STK31: variants seen among roughly 807,000 people sequenced by gnomAD.
The protein encoded by STK31 is serine/threonine-protein kinase 31.
Under a neutral mutation model 129.7 loss-of-function variants are expected in STK31, and 89 were observed. The ratio of observed to expected loss-of-function variants is 0.69; its 90% CI spans 0.58 to 0.82. The LOEUF is 0.82. Among genes scored for constraint, STK31 ranks in the 40% least tolerant of loss-of-function variants. The pLI is 0.00. For synonymous variants in STK31, 448 were observed against 395.3 expected, an observed-to-expected ratio of 1.13 and a Z score of -1.58; for missense variants, 1,187 against 1,176.4, an observed-to-expected ratio of 1.01 and a Z score of -0.13.
At chr7:23,761,840 AGTTTT>A (rs1789484901) in intron 10 of STK31, among the ~76,000 whole-genome samples, 1 of 148,566 alleles carries the variant, frequency 6.7e-6, no homozygotes, top group African/African-American at 2.5e-5. Flanking sequence ...ATAGTTTTAT[AGTTTT>A]ATAATGTATT....
intron 23 of STK31, among the ~76,000 whole-genome samples, chr7:23,818,942 C>T (rs1793627617): frequency 6.6e-6 from 1 of 152,154 alleles, no homozygotes; most frequent in Non-Finnish European, 1.5e-5. Flanking sequence ...TTTTTAAAAT[C>T]AGCTTTCATG....
At position 23,754,566 on chromosome 7, in the gene STK31, A is replaced by T. The variant is rs1788936655; in HGVS notation, c.1293+92A>T. ...TCTTCTAAAAAAAATAACAGGATAC[A>T]TGTGCAGAATGTGCAGATTTGTTAC... On this transcript the variant is annotated intron_variant, in intron 10 of 23. Coordinates refer to ENST00000355870, the MANE Select transcript of STK31 (RefSeq NM_031414.5). 10 of 1,304,944 alleles carry T rather than the reference A, an allele frequency of 7.7e-6. No homozygotes were observed. The South Asian group carries it at 1.5e-4, about 19-fold the overall frequency. 80.8% of individuals were successfully genotyped at this position (1,304,944 alleles called of 1,614,324 possible). A position where few individuals can be genotyped will look rare whatever the true frequency, so the allele number is the denominator to read the frequency against.
chr7:23,792,633 G>A (rs1337225462), intron 22 of STK31, among the ~76,000 whole-genome samples: 21 of 152,128 alleles, frequency 1.4e-4, no homozygotes, highest in Admixed American at 8.5e-4. Flanking sequence ...ATATAAAAAT[G>A]GAGAGGATCT....
chr7:23,813,261 A>G (rs1295572251), intron 22 of STK31, among the ~76,000 whole-genome samples: 2 of 151,870 alleles, frequency 1.3e-5, no homozygotes, highest in Admixed American at 1.3e-4. Flanking sequence ...ATTCTTTTTA[A>G]TAACTTTTTT....
At chr7:23,736,017 CTGA>C in intron 7 of STK31, 121 bp downstream of exon 7, 1 of 751,322 alleles carries the variant, frequency 1.3e-6, no homozygotes, top group South Asian at 2.8e-5. Flanking sequence ...AGGGCTGATG[CTGA>C]TATTTCTGTT....
chr7:23,723,210 C>A (rs62468593), intron 4 of STK31, among the ~76,000 whole-genome samples: 53 of 152,146 alleles, frequency 3.5e-4, no homozygotes, highest in Middle Eastern at 3.4e-3. Context: ...CCTCTCTCTC[C>A]TCTTTTCTTT....
chr7:23,795,326 G>T (rs1321923978), intron 22 of STK31, among the ~76,000 whole-genome samples: 1 of 152,218 alleles, frequency 6.6e-6, no homozygotes, highest in Non-Finnish European at 1.5e-5. Flanking sequence ...GCTTCCATGT[G>T]GTTTGAGCCT....
At chr7:23,719,032 T>C (rs1218859272) in intron 4 of STK31, among the ~76,000 whole-genome samples, 2 of 152,022 alleles carry the variant, frequency 1.3e-5, no homozygotes, top group Non-Finnish European at 2.9e-5. Context: ...TGAGGTTGTG[T>C]TTTAATATTT....
At position 23,790,888 on chromosome 7, in the gene STK31, TG is replaced by T; in HGVS notation, c.2705del (p.Gly902GlufsTer29). 1 of 1,609,080 alleles carries T rather than the reference TG, an allele frequency of 6.2e-7. No homozygotes were observed. The highest frequency in any genetic ancestry group is 8.5e-7 in the Non-Finnish European group (1 of 1,178,070). On this transcript the variant is annotated frameshift_variant, in exon 22 of 24. Transcript: ENST00000355870. LOFTEE classifies it high-confidence loss of function. ...AGTTTGATGTCACCTGAGTTGAAAA[TG>T]GGAAAACCTGCTTCTCCAGGTTCAG... ...DLSLMSPELK[M>X]GKPASPGSDL... is the part of the protein sequence containing the mutation.
At chr7:23,788,756 A>G (rs1791449563) in intron 21 of STK31, among the ~76,000 whole-genome samples, 1 of 152,176 alleles carries the variant, frequency 6.6e-6, no homozygotes, top group Admixed American at 6.5e-5. Flanking sequence ...GATGTTTTGA[A>G]GTATGTATAC....
chr7:23,774,657 G>A (rs947965123), intron 15 of STK31, among the ~76,000 whole-genome samples: 2 of 152,084 alleles, frequency 1.3e-5, no homozygotes, highest in Middle Eastern at 3.4e-3. Flanking sequence ...TGTTTAAGTC[G>A]TGGTAGATTC....
intron 23 of STK31, among the ~76,000 whole-genome samples, chr7:23,822,969 G>A (rs1459182860): frequency 6.6e-6 from 1 of 152,128 alleles, no homozygotes; most frequent in Non-Finnish European, 1.5e-5. Context: ...GTGTATATGT[G>A]CCACATTTTC....
intron 8 of STK31, among the ~76,000 whole-genome samples, chr7:23,746,926 T>C (rs1050891700): frequency 2.0e-5 from 3 of 152,128 alleles, no homozygotes; most frequent in Non-Finnish European, 4.4e-5. Flanking sequence ...TACTTTTTTT[T>C]CTCAATAAGT....
chr7:23,728,690 A>G (rs1787227325), intron 5 of STK31, among the ~76,000 whole-genome samples: 1 of 152,216 alleles, frequency 6.6e-6, no homozygotes, highest in Non-Finnish European at 1.5e-5. Context: ...AGGAAGTTTG[A>G]TAACTTTGCC....
At chr7:23,774,960 G>A (rs1023863101) in intron 15 of STK31, among the ~76,000 whole-genome samples, 1 of 152,184 alleles carries the variant, frequency 6.6e-6, no homozygotes, top group African/African-American at 2.4e-5. Flanking sequence ...TGTATAAGGT[G>A]TAAGGAAGGT....
chr7:23,712,755 T>C (rs1405663849), intron 3 of STK31, among the ~76,000 whole-genome samples: 2 of 152,190 alleles, frequency 1.3e-5, no homozygotes, highest in African/African-American at 2.4e-5. Context: ...TGATTTTCTG[T>C]TGGGAGGGTG....
chr7:23,791,003 T>C, intron 22 of STK31, 57 bp downstream of exon 22: 1 of 1,274,162 alleles, frequency 7.8e-7, no homozygotes, highest in Non-Finnish European at 1.0e-6. Flanking sequence ...GTATATAAAG[T>C]GATGATTTTA....
chr7:23,787,734 A>G (rs540188587), intron 20 of STK31, among the ~76,000 whole-genome samples: 1 of 141,500 alleles, frequency 7.1e-6, no homozygotes, highest in South Asian at 2.3e-4. Flanking sequence ...CCCAAAAGGT[A>G]TGATTGTACA....
chr7:23,785,391 T>G, intron 17 of STK31, 87 bp from the exon 18 acceptor site: 5 of 1,543,916 alleles, frequency 3.2e-6, no homozygotes, highest in Non-Finnish European at 4.4e-6. Flanking sequence ...GTCCAAGTCA[T>G]TTAATATCGT....
Sources: allele counts gnomAD v4.1 joint callset (sites outside exome capture counted in the v4.1 genomes callset), GRCh38; gene constraint gnomAD v4.1.1; transcripts MANE v1.5; gene names NCBI Gene and HGNC (gene_info 2026-07-23, HGNC 2026-07-21).